Variants in DNAH8 observed in about 807,000 individuals in gnomAD.
DNAH8 encodes the protein dynein axonemal heavy chain 8.
In DNAH8, 382 loss-of-function variants were observed where a neutral mutation model predicts 562.1. The observed-to-expected ratio is 0.68, with a 90% CI of 0.63 to 0.74. DNAH8 has a LOEUF of 0.74. Ranked by LOEUF, DNAH8 falls within the 30% of genes least tolerant of loss-of-function variation. The pLI, the probability that DNAH8 is intolerant of heterozygous loss-of-function variation, is 0.00. For missense variants in DNAH8, 5,203 were observed against 5,620.4 expected (o/e 0.93, Z 2.37); for synonymous variants, 1,881 against 1,919.4 (o/e 0.98, Z 0.52).
intron 80 of DNAH8, among the ~76,000 whole-genome samples, chr6:38,947,895 A>G (rs1761562531): frequency 6.6e-6 from 1 of 152,044 alleles, no homozygotes; most frequent in Non-Finnish European, 1.5e-5. Context: ...TTACAGATAC[A>G]CGCTGCCACG....
intron 9 of DNAH8, among the ~76,000 whole-genome samples, chr6:38,755,390 A>G (rs1431756944): frequency 6.6e-6 from 1 of 151,974 alleles, no homozygotes. Context: ...ACCTTTTTCT[A>G]CTTGTTTTAC....
intron 57 of DNAH8, among the ~76,000 whole-genome samples, chr6:38,888,210 G>C (rs188789085): frequency 6.6e-6 from 1 of 152,140 alleles, no homozygotes; most frequent in Admixed American, 6.5e-5. Flanking sequence ...ATTAAATTTG[G>C]ACAGCTACCT....
chr6:38,936,982 C>A (rs1371699736), intron 77 of DNAH8, among the ~76,000 whole-genome samples: 1 of 152,084 alleles, frequency 6.6e-6, no homozygotes, highest in Non-Finnish European at 1.5e-5. Flanking sequence ...AAACCAAATT[C>A]ATTGTCATAA....
intron 21 of DNAH8, among the ~76,000 whole-genome samples, chr6:38,800,812 G>A (rs561380901): frequency 3.3e-5 from 5 of 152,224 alleles, no homozygotes; most frequent in African/African-American, 9.6e-5. Flanking sequence ...GTGAGCCACC[G>A]TGCCCTGCCT....
At chr6:38,988,177 C>T (rs777334959) in intron 87 of DNAH8, among the ~76,000 whole-genome samples, 16 of 152,178 alleles carry the variant, frequency 1.1e-4, no homozygotes, top group Non-Finnish European at 2.4e-4. Flanking sequence ...CAGCATCTTA[C>T]AGAGTCTCTC....
Position 38,828,233 on chromosome 6 carries a change from A to T in DNAH8, c.4133A>T (p.Glu1378Val), listed in dbSNP as rs777914000. Residue 1378 changes from glutamate to valine, a missense_variant, in exon 30 of 93, where the codon GAA (glutamate) becomes GTA (valine). This residue lies in a region of DNAH8 where 2,176 missense variants were observed against 2,365.1 expected (regional missense o/e 0.92). Transcript: ENST00000327475. ...NRFEVEVTKE[E>V]SEAVDTLRYS... ...TTTGAAGTTGAAGTAACCAAAGAAG[A>T]ATCAGAAGCAGTTGATACCTTAAGA... is the stretch of plus-strand genomic sequence containing the variant. 10 of 1,597,228 alleles carry T rather than the reference A, an allele frequency of 6.3e-6. No homozygotes were observed. The highest frequency in any genetic ancestry group is 7.7e-6 in the Non-Finnish European group (9 of 1,173,456).
chr6:38,823,734 G>A (rs2150338726), intron 28 of DNAH8, 46 bp downstream of exon 28: 1 of 1,399,722 alleles, frequency 7.1e-7, no homozygotes, highest in East Asian at 2.3e-5. Flanking sequence ...ACTTTCACAT[G>A]AAGTGTTACT....
At chr6:38,891,772 A>C (rs1354423266) in intron 58 of DNAH8, among the ~76,000 whole-genome samples, 2 of 152,236 alleles carry the variant, frequency 1.3e-5, no homozygotes, top group Non-Finnish European at 2.9e-5. Flanking sequence ...GCTTATATAC[A>C]TAGTTCTCTG....
At chr6:38,761,382 T>C (rs1766498283) in intron 10 of DNAH8, among the ~76,000 whole-genome samples, 1 of 150,826 alleles carries the variant, frequency 6.6e-6, no homozygotes, top group African/African-American at 2.4e-5. Flanking sequence ...GATGGTCAGT[T>C]CATCAATAGA....
intron 4 of DNAH8, among the ~76,000 whole-genome samples, chr6:38,730,531 C>T (rs1055758191): frequency 2.0e-5 from 3 of 152,246 alleles, no homozygotes; most frequent in Non-Finnish European, 4.4e-5. Context: ...GATTTACCTT[C>T]AACACATCCC....
At chr6:38,882,383 A>G (rs563762321) in intron 53 of DNAH8, among the ~76,000 whole-genome samples, 1 of 152,350 alleles carries the variant, frequency 6.6e-6, no homozygotes, top group East Asian at 1.9e-4. Flanking sequence ...ATGCAGCCAT[A>G]AAAAATATGA....
At chr6:39,014,225 A>G (rs1766417878) in intron 91 of DNAH8, among the ~76,000 whole-genome samples, 1 of 152,210 alleles carries the variant, frequency 6.6e-6, no homozygotes, top group African/African-American at 2.4e-5. Context: ...TGTAAAGGGC[A>G]GCCCCCAGAT....
chr6:38,997,930 G>T (rs1765249154), intron 88 of DNAH8, among the ~76,000 whole-genome samples: 1 of 152,116 alleles, frequency 6.6e-6, no homozygotes, highest in Non-Finnish European at 1.5e-5. Flanking sequence ...GCTAATATTT[G>T]TATTTTTAGT....
At chr6:38,937,442 T>G (rs1458057886) in intron 77 of DNAH8, among the ~76,000 whole-genome samples, 3 of 152,208 alleles carry the variant, frequency 2.0e-5, no homozygotes, top group African/African-American at 7.2e-5. Flanking sequence ...CAATTTGCTC[T>G]TGTTAGAGAC....
intron 80 of DNAH8, 36 bp from the exon 81 acceptor site, chr6:38,949,416 A>G: frequency 8.0e-7 from 1 of 1,243,972 alleles, no homozygotes; most frequent in Non-Finnish European, 1.2e-6. Flanking sequence ...ACTTACATAT[A>G]GTTCTGTGGC....
intron 22 of DNAH8, among the ~76,000 whole-genome samples, chr6:38,803,735 A>G (rs1342698292): frequency 6.6e-6 from 1 of 151,442 alleles, no homozygotes; most frequent in African/African-American, 2.4e-5. Flanking sequence ...GGAAAACTTA[A>G]TCTGGGTGAA....
intron 87 of DNAH8, among the ~76,000 whole-genome samples, chr6:38,987,482 T>A (rs1264455311): frequency 6.6e-6 from 1 of 152,222 alleles, no homozygotes; most frequent in Non-Finnish European, 1.5e-5. Context: ...GTTCATTGGC[T>A]GTTCCCAAGT....
chr6:38,870,069 C>T (rs144917566), intron 48 of DNAH8, among the ~76,000 whole-genome samples: 30 of 152,246 alleles, frequency 2.0e-4, no homozygotes, highest in African/African-American at 6.7e-4. Context: ...AGGGAACTCC[C>T]GTTTACAAAA....
intron 21 of DNAH8, among the ~76,000 whole-genome samples, chr6:38,796,613 T>C (rs1041162433): frequency 3.9e-5 from 6 of 152,146 alleles, no homozygotes; most frequent in Non-Finnish European, 5.9e-5. Context: ...ATTCCAGACA[T>C]TGTATGGAAA....
Sources: allele counts gnomAD v4.1 joint callset (sites outside exome capture counted in the v4.1 genomes callset), GRCh38; gene constraint gnomAD v4.1.1; regional missense constraint gnomAD v4.1.1; transcripts MANE v1.5; gene names NCBI Gene and HGNC (gene_info 2026-07-23, HGNC 2026-07-21).